ZRANB3: variants seen among roughly 807,000 people sequenced by gnomAD.
The protein encoded by ZRANB3 is zinc finger RANBP2-type containing 3, also known as DNA annealing helicase and endonuclease ZRANB3.
A neutral mutation model predicts 133.8 loss-of-function variants in ZRANB3; 125 were observed. The observed-to-expected ratio is 0.93, with a 90% CI of 0.81 to 1.08. ZRANB3 has a LOEUF of 1.08. Among genes scored for constraint, ZRANB3 ranks in the 50% least tolerant of loss-of-function variants. The pLI is 0.00. For missense variants in ZRANB3, 1,229 were observed against 1,275.5 expected (o/e 0.96, Z 0.56); for synonymous variants, 387 against 432.7 (o/e 0.89, Z 1.31).
At chr2:135,289,324 C>T (rs1485849982) in intron 8 of ZRANB3, among the ~76,000 whole-genome samples, 2 of 152,028 alleles carry the variant, frequency 1.3e-5, no homozygotes, top group East Asian at 1.9e-4. Flanking sequence ...GGCGTGATCT[C>T]GGCTCACTGC....
chr2:135,498,504 T>C (rs1460646511), intron 2 of ZRANB3, among the ~76,000 whole-genome samples: 2 of 152,190 alleles, frequency 1.3e-5, no homozygotes, highest in Non-Finnish European at 2.9e-5. Flanking sequence ...TTCAGGACCC[T>C]GTGATGATTG....
intron 12 of ZRANB3, among the ~76,000 whole-genome samples, chr2:135,261,156 T>C (rs1378038542): frequency 1.3e-5 from 2 of 152,088 alleles, no homozygotes; most frequent in East Asian, 3.9e-4. Flanking sequence ...TTGAAAGTTT[T>C]CTAAAAATGG....
chr2:135,487,519 T>C (rs1050906082), intron 2 of ZRANB3, among the ~76,000 whole-genome samples: 1 of 152,240 alleles, frequency 6.6e-6, no homozygotes, highest in Non-Finnish European at 1.5e-5. Context: ...ATTCAAAATC[T>C]GTTGTTTAGT....
chr2:135,339,773 C>A (rs891087958), intron 6 of ZRANB3, among the ~76,000 whole-genome samples: 37 of 152,230 alleles, frequency 2.4e-4, no homozygotes, highest in Admixed American at 2.3e-3. Flanking sequence ...GCAGTTAAAA[C>A]CTATTTGTAT....
chr2:135,273,403 T>C (rs1214685658), intron 9 of ZRANB3, among the ~76,000 whole-genome samples: 6 of 152,168 alleles, frequency 3.9e-5, no homozygotes, highest in Non-Finnish European at 4.4e-5. Context: ...AAAGAGCAAG[T>C]ATACATTAAC....
chr2:135,236,141 T>A (rs531648096), intron 12 of ZRANB3, among the ~76,000 whole-genome samples: 16 of 151,716 alleles, frequency 1.1e-4, no homozygotes, highest in East Asian at 1.9e-4. Context: ...TTATACACCA[T>A]CAACAGACAA....
chr2:135,361,567 C>CA (rs59498876), intron 3 of ZRANB3, among the ~76,000 whole-genome samples: 47,004 of 152,058 alleles, frequency 0.31, 11,270 homozygotes, highest in African/African-American at 0.66. Flanking sequence ...TGCTCATTGA[C>CA]ATTTTTCGAA....
At chr2:135,428,818 T>C (rs1689199870) in intron 2 of ZRANB3, among the ~76,000 whole-genome samples, 1 of 152,132 alleles carries the variant, frequency 6.6e-6, no homozygotes, top group South Asian at 2.1e-4. Context: ...GAAATGAATA[T>C]CCAAACCAAG....
chr2:135,510,441 T>G, intron 1 of ZRANB3: 1 of 459,552 alleles, frequency 2.2e-6, no homozygotes, highest in East Asian at 4.1e-5. Flanking sequence ...TTAAGCAGTT[T>G]ATAACAAACT....
chr2:135,476,002 C>T (rs888967149), intron 2 of ZRANB3, among the ~76,000 whole-genome samples: 1 of 151,946 alleles, frequency 6.6e-6, no homozygotes, highest in Admixed American at 6.6e-5. Context: ...CGTTTGAACC[C>T]GGGAGGCGGA....
At chr2:135,361,178 C>T (rs927083621) in intron 3 of ZRANB3, among the ~76,000 whole-genome samples, 2 of 152,214 alleles carry the variant, frequency 1.3e-5, no homozygotes, top group African/African-American at 4.8e-5. Flanking sequence ...AATAACTACA[C>T]TCAACATGTG....
At chr2:135,220,591 C>A (rs533138729) in intron 15 of ZRANB3, among the ~76,000 whole-genome samples, 212 of 148,812 alleles carry the variant, frequency 1.4e-3, no homozygotes, top group Middle Eastern at 7.0e-3. Flanking sequence ...CCAGCTACTC[C>A]GGAGGCTGAG....
chr2:135,264,882 G>A (rs142754270), intron 12 of ZRANB3, among the ~76,000 whole-genome samples: 14 of 152,140 alleles, frequency 9.2e-5, no homozygotes, highest in African/African-American at 3.4e-4. Context: ...TTGAGTAGCT[G>A]GGATTACAGG....
At chr2:135,404,845 C>G (rs1218886320) in intron 2 of ZRANB3, among the ~76,000 whole-genome samples, 4 of 151,982 alleles carry the variant, frequency 2.6e-5, no homozygotes, top group Non-Finnish European at 5.9e-5. Context: ...TCATATCCAG[C>G]CAAACTACGC....
chr2:135,323,264 T>C (rs886644450), intron 6 of ZRANB3, among the ~76,000 whole-genome samples: 1 of 152,202 alleles, frequency 6.6e-6, no homozygotes, highest in Admixed American at 6.6e-5. Context: ...CACTCTGTTC[T>C]TATATCAAAT....
chr2:135,357,440 C>T (rs534602092), intron 3 of ZRANB3, among the ~76,000 whole-genome samples: 18 of 152,272 alleles, frequency 1.2e-4, no homozygotes, highest in Non-Finnish European at 1.8e-4. Context: ...GGATTACAGG[C>T]GCATGCCACC....
At chr2:135,423,613 A>G (rs2104972239) in intron 2 of ZRANB3, among the ~76,000 whole-genome samples, 1 of 152,236 alleles carries the variant, frequency 6.6e-6, no homozygotes, top group South Asian at 2.1e-4. Context: ...ACATTTTTTC[A>G]GGGGACACAA....
intron 9 of ZRANB3, among the ~76,000 whole-genome samples, chr2:135,273,532 T>C (rs965971486): frequency 6.6e-6 from 1 of 152,070 alleles, no homozygotes; most frequent in Non-Finnish European, 1.5e-5. Flanking sequence ...ACCCCATGAA[T>C]ATCTACATTT....
At chr2:135,351,661 T>C (rs1475201627) in intron 4 of ZRANB3, among the ~76,000 whole-genome samples, 2 of 152,208 alleles carry the variant, frequency 1.3e-5, no homozygotes, top group Non-Finnish European at 2.9e-5. Context: ...GAGACTGGCT[T>C]CAAAGGCCAC....
Sources: gnomAD v4.1 joint callset for allele counts (sites outside exome capture counted in the v4.1 genomes callset) on GRCh38, gnomAD v4.1.1 for gene constraint, MANE v1.5 for transcripts, NCBI Gene and HGNC (gene_info 2026-07-23, HGNC 2026-07-21) for gene names.